The following LRRTM4 variants were observed in gnomAD, a reference collection of about 807,000 sequenced individuals.
LRRTM4 encodes leucine-rich repeat transmembrane neuronal protein 4.
A neutral mutation model predicts 47.6 loss-of-function variants in LRRTM4; 25 were observed. That is an observed-to-expected ratio of 0.53 (90% CI 0.38 to 0.73). LRRTM4 has a LOEUF of 0.73. Ranked by LOEUF, LRRTM4 falls within the 30% of genes least tolerant of loss-of-function variation. The probability of loss-of-function intolerance (pLI) is 0.00; values close to 1 mark genes in which losing one functional copy is unlikely to be tolerated. For synonymous variants in LRRTM4, 311 were observed against 269.5 expected, an observed-to-expected ratio of 1.15 and a Z score of -1.51; for missense variants, 638 against 713.4, an observed-to-expected ratio of 0.89 and a Z score of 1.20.
chr2:76,977,329 T>G (rs1163257420), intron 3 of LRRTM4, among the ~76,000 whole-genome samples: 1 of 151,732 alleles, frequency 6.6e-6, no homozygotes, highest in Non-Finnish European at 1.5e-5. Flanking sequence ...TAATATGTGA[T>G]TCTTAGTTTT....
At chr2:77,087,785 T>A (rs1197886785) in intron 3 of LRRTM4, among the ~76,000 whole-genome samples, 1 of 152,286 alleles carries the variant, frequency 6.6e-6, no homozygotes, top group Non-Finnish European at 1.5e-5. Flanking sequence ...ATATGTAAAA[T>A]AAAATGTATA....
chr2:76,967,443 A>G (rs1305266696), intron 3 of LRRTM4, among the ~76,000 whole-genome samples: 4 of 151,532 alleles, frequency 2.6e-5, no homozygotes, highest in South Asian at 4.1e-4. Flanking sequence ...CACTTCCAAC[A>G]TAAGGTCACT....
At chr2:76,983,032 C>T (rs192455036) in intron 3 of LRRTM4, among the ~76,000 whole-genome samples, 2 of 151,160 alleles carry the variant, frequency 1.3e-5, no homozygotes, top group Non-Finnish European at 3.0e-5. Flanking sequence ...AATAAAGACA[C>T]ATATTAAATA....
At chr2:76,767,880 C>T (rs1006706461) in intron 3 of LRRTM4, among the ~76,000 whole-genome samples, 3 of 152,156 alleles carry the variant, frequency 2.0e-5, no homozygotes, top group Non-Finnish European at 2.9e-5. Flanking sequence ...CAGAATGACA[C>T]GCAAACCATC....
At chr2:76,903,013 C>T (rs1673695035) in intron 3 of LRRTM4, among the ~76,000 whole-genome samples, 1 of 152,140 alleles carries the variant, frequency 6.6e-6, no homozygotes, top group African/African-American at 2.4e-5. Flanking sequence ...TCAAATTCCA[C>T]AATTTCTCAA....
intron 3 of LRRTM4, among the ~76,000 whole-genome samples, chr2:76,915,291 C>T (rs1177302611): frequency 6.6e-6 from 1 of 152,112 alleles, no homozygotes; most frequent in Non-Finnish European, 1.5e-5. Flanking sequence ...CATCAGGTAA[C>T]TGAAAATAAT....
At chr2:77,438,456 G>C (rs1213794823) in intron 3 of LRRTM4, among the ~76,000 whole-genome samples, 1 of 141,448 alleles carries the variant, frequency 7.1e-6, no homozygotes, top group Non-Finnish European at 1.5e-5. Context: ...GCCCAGGCTG[G>C]AGTGTAGTGG....
Position 76,748,181 on chromosome 2 carries a change from AAAAC to A in LRRTM4, c.*510_*513del, listed in dbSNP as rs1009795159. On this transcript the variant is annotated 3_prime_UTR_variant, in exon 4 of 4. Coordinates refer to ENST00000409884, the MANE Select transcript of LRRTM4 (RefSeq NM_001134745.3). Reference sequence around the variant, plus strand: ...AACTTGACCAGGAAAGAAAAAAATTAAAACAAACAAAACAAGAACAAACAGCATT... The same window carrying A: ...AACTTGACCAGGAAAGAAAAAAATTAAAACAAAACAAGAACAAACAGCATT... 3.9e-5 allele frequency: 6 copies of A among 153,010 alleles called. No individual in the cohort carries two copies. The highest frequency in any genetic ancestry group is 6.5e-5 in the Admixed American group (1 of 15,370). 9.5% of individuals were successfully genotyped at this position (153,010 alleles called of 1,614,324 possible).
intron 3 of LRRTM4, among the ~76,000 whole-genome samples, chr2:76,978,460 C>G (rs542278748): frequency 1.3e-5 from 2 of 152,110 alleles, no homozygotes; most frequent in South Asian, 4.1e-4. Context: ...TCTCCTTGCA[C>G]ATTTATTTTC....
At chr2:77,019,180 G>T (rs1332303868) in intron 3 of LRRTM4, among the ~76,000 whole-genome samples, 1 of 136,868 alleles carries the variant, frequency 7.3e-6, no homozygotes, top group African/African-American at 2.8e-5. Flanking sequence ...CTAACAAATG[G>T]ATAGTACTGA....
chr2:76,780,367 GT>G (rs1674302288), intron 3 of LRRTM4, among the ~76,000 whole-genome samples: 1 of 152,094 alleles, frequency 6.6e-6, no homozygotes, highest in Admixed American at 6.6e-5. Context: ...TTCCAACTTG[GT>G]TCCATTCTCC....
At chr2:77,460,366 TAA>T (rs1324403110) in intron 3 of LRRTM4, among the ~76,000 whole-genome samples, 1 of 152,148 alleles carries the variant, frequency 6.6e-6, no homozygotes, top group East Asian at 1.9e-4. Context: ...CTTGGCTAAA[TAA>T]CTTTGGTTAA....
At chr2:76,776,159 G>A (rs1673980079) in intron 3 of LRRTM4, among the ~76,000 whole-genome samples, 1 of 152,082 alleles carries the variant, frequency 6.6e-6, no homozygotes, top group Non-Finnish European at 1.5e-5. Flanking sequence ...GTCTATCATT[G>A]TTGGACATTT....
intron 3 of LRRTM4, among the ~76,000 whole-genome samples, chr2:77,438,447 C>T (rs1356215972): frequency 3.1e-4 from 43 of 137,710 alleles, no homozygotes; most frequent in African/African-American, 1.1e-3. Flanking sequence ...CGCTCTGTCG[C>T]CCAGGCTGGA....
At chr2:76,929,527 C>CT (rs548075436) in intron 3 of LRRTM4, among the ~76,000 whole-genome samples, 77 of 152,250 alleles carry the variant, frequency 5.1e-4, no homozygotes, top group Non-Finnish European at 9.0e-4. Context: ...TTGCTATTAG[C>CT]TTTTTTTAAC....
At chr2:77,008,464 A>C (rs1224102855) in intron 3 of LRRTM4, among the ~76,000 whole-genome samples, 1 of 152,206 alleles carries the variant, frequency 6.6e-6, no homozygotes, top group Non-Finnish European at 1.5e-5. Flanking sequence ...ATAACTGTAG[A>C]TAGTCTGATT....
At chr2:76,837,766 A>G (rs1671557499) in intron 3 of LRRTM4, among the ~76,000 whole-genome samples, 1 of 152,208 alleles carries the variant, frequency 6.6e-6, no homozygotes, top group Non-Finnish European at 1.5e-5. Flanking sequence ...ACAAAAAATT[A>G]TGAGTTCATG....
At chr2:76,797,816 C>T (rs1675430479) in intron 3 of LRRTM4, among the ~76,000 whole-genome samples, 3 of 151,194 alleles carry the variant, frequency 2.0e-5, no homozygotes, top group African/African-American at 7.3e-5. Flanking sequence ...GGTTGCAATC[C>T]TAGTCTCTGA....
intron 3 of LRRTM4, among the ~76,000 whole-genome samples, chr2:76,950,826 C>A (rs190060613): frequency 3.9e-3 from 600 of 152,092 alleles, no homozygotes; most frequent in Middle Eastern, 6.8e-3. Context: ...AGACTAGATT[C>A]AGCCATATTA....
Sources: allele counts gnomAD v4.1 joint callset (sites outside exome capture counted in the v4.1 genomes callset), GRCh38; gene constraint gnomAD v4.1.1; transcripts MANE v1.5; gene names NCBI Gene and HGNC (gene_info 2026-07-23, HGNC 2026-07-21).